The following CCDC82 variants were observed in gnomAD, a reference collection of about 807,000 sequenced individuals.
CCDC82 encodes coiled-coil domain-containing protein 82.
Under a neutral mutation model 60.6 loss-of-function variants are expected in CCDC82, and 47 were observed. The ratio of observed to expected loss-of-function variants is 0.77; its 90% CI spans 0.61 to 0.99. The LOEUF (loss-of-function observed/expected upper bound fraction) is 0.99. Among genes scored for constraint, CCDC82 ranks in the 50% least tolerant of loss-of-function variants. The pLI is 0.00. For missense variants in CCDC82, 588 were observed against 633.0 expected, an observed-to-expected ratio of 0.93 and a Z score of 0.76; for synonymous variants, 212 against 207.4, an observed-to-expected ratio of 1.02 and a Z score of -0.19.
Position 96,384,500 on chromosome 11 carries a change from CTT to C in CCDC82, c.246_247del (p.Glu84AlafsTer5). 1.9e-6 allele frequency: 3 copies of C among 1,613,784 alleles called. No homozygotes were observed. Among genetic ancestry groups the C allele is most frequent in the Non-Finnish European group, 1.7e-6 (2 of 1,179,796 alleles). ...TTGAATTTTACTTAAGTTGAGCTCT[CTT>C]TCACTTCCTGGTGTTTTATTACAAT... On this transcript the variant is annotated frameshift_variant, in exon 4 of 10. Coordinates refer to ENST00000646818, the MANE Select transcript of CCDC82 (RefSeq NM_024725.4). LOFTEE classifies it high-confidence loss of function.
At chr11:96,377,497 C>T (rs1865651069) in intron 5 of CCDC82, among the ~76,000 whole-genome samples, 2 of 151,968 alleles carry the variant, frequency 1.3e-5, no homozygotes, top group Non-Finnish European at 2.9e-5. Flanking sequence ...TTGTCATGTT[C>T]CTCATTTTAA....
chr11:96,356,344 A>T (rs1302151935), intron 9 of CCDC82: 1 of 618,840 alleles, frequency 1.6e-6, no homozygotes, highest in Non-Finnish European at 2.0e-6. Flanking sequence ...ATTTTAAATT[A>T]TTATGTATAT....
In CCDC82 at chr11:96,384,149, A is replaced by G; in HGVS notation, c.599T>C (p.Ile200Thr). Residue 200 changes from isoleucine (I) to threonine (T), a missense_variant, in exon 4 of 10, where the codon ATC becomes ACC. Coordinates refer to ENST00000646818, the MANE Select transcript of CCDC82 (RefSeq NM_024725.4). ...TTTAACACCTACTTTTCTAACTAGGATATCGCTGTCATCACTCTCATCACT... is the reference window on the plus strand; with the variant it reads ...TTTAACACCTACTTTTCTAACTAGGGTATCGCTGTCATCACTCTCATCACT... ...CDSDESDDSD[I>T]LVRKVGVKRP... The G allele has an allele frequency of 6.2e-7, 1 of 1,613,820 alleles. No individual in the cohort carries two copies.
Position 96,373,459 on chromosome 11 carries a change from TA to T in CCDC82, c.999del (p.Phe333LeufsTer12). On this transcript the variant is annotated frameshift_variant, in exon 6 of 10. Coordinates refer to ENST00000646818, the MANE Select transcript of CCDC82 (RefSeq NM_024725.4). LOFTEE classifies it high-confidence loss of function. Reference protein sequence around the residue: ...KLVKQNSLYSFSDHYTHFERV... With the variant: ...KLVKQNSLYSXSDHYTHFERV... ...CTTTCAAAATGAGTATAGTGGTCACTAAAAGAATCTGAAATTAATTTCAAAT... is the reference window on the plus strand; with the variant it reads ...CTTTCAAAATGAGTATAGTGGTCACTAAAGAATCTGAAATTAATTTCAAAT... 6.3e-7 allele frequency: 1 copy of T among 1,583,396 alleles called. No homozygotes were observed. Among genetic ancestry groups the T allele is most frequent in the Non-Finnish European group, 8.6e-7 (1 of 1,158,336 alleles).
At position 96,384,460 on chromosome 11, in the gene CCDC82, G is replaced by A. The variant is rs754316600; in HGVS notation, c.288C>T (p.Asp96=). The A allele has an allele frequency of 6.2e-7, 1 of 1,613,596 alleles. No individual in the cohort carries two copies. Among genetic ancestry groups the A allele is most frequent in the Non-Finnish European group, 8.5e-7 (1 of 1,179,808 alleles). ...TGCCAGAGTTAATGAGACACTTACT[G>A]TCATTTCCTTCACTTTGAATTTTAC... is the stretch of plus-strand genomic sequence containing the variant. ...NLSKIQSEGN[D]SKCLINSGNG... is the part of the protein sequence containing the mutation. The change falls in exon 4 of 10, where the codon GAC becomes GAT. Residue 96 remains aspartate (D), a synonymous_variant. Coordinates refer to ENST00000646818, the MANE Select transcript of CCDC82 (RefSeq NM_024725.4).
intron 9 of CCDC82, chr11:96,358,047 CAT>C (rs1216744989): frequency 3.0e-6 from 3 of 985,380 alleles, no homozygotes; most frequent in Middle Eastern, 5.2e-4. Flanking sequence ...CTAAATATGA[CAT>C]GTGCTAAAAA....
chr11:96,389,530 C>G (rs1328814469), intron 1 of CCDC82: 1 of 152,226 alleles, frequency 6.6e-6, no homozygotes, highest in Non-Finnish European at 1.5e-5. Flanking sequence ...AGCTCTGCAC[C>G]GAGAAAACAA....
At chr11:96,355,073 T>C (rs1457239707) in intron 9 of CCDC82, 2 of 152,194 alleles carry the variant, frequency 1.3e-5, no homozygotes, top group African/African-American at 4.8e-5. Context: ...GGAATTTTCT[T>C]TGGCCTAGTA....
At chr11:96,370,899 T>C (rs1448513735) in intron 7 of CCDC82, 114 bp downstream of exon 7, 3 of 874,698 alleles carry the variant, frequency 3.4e-6, no homozygotes, top group Non-Finnish European at 4.9e-6. Flanking sequence ...AATAAGCTGA[T>C]TATTTAACAA....
chr11:96,370,864 A>G (rs1865224595), intron 7 of CCDC82, 149 bp downstream of exon 7: 7 of 621,636 alleles, frequency 1.1e-5, no homozygotes, highest in Non-Finnish European at 1.7e-5. Flanking sequence ...TAAAACAATA[A>G]TAACTTTTAG....
chr11:96,372,699 AAT>A (rs10594121), intron 6 of CCDC82, among the ~76,000 whole-genome samples: 3,049 of 145,400 alleles, frequency 0.021, 104 homozygotes, highest in African/African-American at 0.072. Flanking sequence ...AATATATAAA[AAT>A]ATATATATAC....
chr11:96,384,534 C>G lies in CCDC82; in HGVS notation c.214G>C (p.Gly72Arg), dbSNP rs2136211408. Residue 72 changes from glycine to arginine, a missense_variant, in exon 4 of 10, where the codon GGA (glycine) becomes CGA (arginine). Coordinates refer to ENST00000646818, the MANE Select transcript of CCDC82 (RefSeq NM_024725.4). ...CCTGGTGTTTTATTACAATCAGGTC[C>G]CTTGTTACTATCAAGCTCTTCATCA... ...ENDEELDSNK[G>R]PDCNKTPGSE... 5 of 1,613,564 alleles carry G rather than the reference C, an allele frequency of 3.1e-6. No homozygotes were observed. In the South Asian group the frequency reaches 4.4e-5, roughly 14 times the overall value.
rs1170907585 is a variant in CCDC82 at position 96,362,447 on chromosome 11, C to T, written c.1380+2533G>A. Among the ~76,000 whole-genome samples the T allele has an allele frequency of 3.3e-5, 5 of 152,262 alleles. No individual in the cohort carries two copies. The East Asian group carries it at 5.8e-4, about 18-fold the overall frequency. On this transcript the variant is annotated intron_variant, in intron 8 of 9. Transcript: ENST00000646818. ...TTTGGTTTTTTGTTTGTTTTTTGTA[C>T]AGACATATTATACAATGCCATTTGC...
chr11:96,358,973 T>C lies in CCDC82; in HGVS notation c.1566+20A>G, dbSNP rs768687487. 33 of 1,571,084 alleles carry C rather than the reference T, an allele frequency of 2.1e-5. No homozygotes were observed. The East Asian group carries it at 2.8e-4, about 13-fold the overall frequency. The stretch of plus-strand genomic sequence containing the variant: ...AGCCTTCAGAATCTACATGATAAGA[T>C]TCTCATATATTCACCTTACCTCCTT... On this transcript the variant is annotated intron_variant, in intron 9 of 9. Transcript: ENST00000646818.
rs564695323 is a variant in CCDC82 at position 96,359,298 on chromosome 11, C to T, written c.1381-120G>A. 503 of 764,530 alleles carry T rather than the reference C, an allele frequency of 6.6e-4. 3 individuals carry two copies. The highest frequency in any genetic ancestry group is 3.5e-3 in the Middle Eastern group (9 of 2,552). 47.4% of individuals were successfully genotyped at this position (764,530 alleles called of 1,614,324 possible). The stretch of plus-strand genomic sequence containing the variant: ...AACTTCCAGTGTTTACACAATGATT[C>T]CTTTACCTTCTCTTACTTATACAAC... On this transcript the variant is annotated intron_variant, in intron 8 of 9. Coordinates refer to ENST00000646818, the MANE Select transcript of CCDC82 (RefSeq NM_024725.4).
intron 8 of CCDC82, 58 bp from the exon 9 acceptor site, chr11:96,359,236 T>G (rs1023650986): frequency 7.2e-7 from 1 of 1,395,244 alleles, no homozygotes; most frequent in Non-Finnish European, 9.5e-7. Context: ...TTCTGGTTTT[T>G]GGATTTTCTT....
chr11:96,366,123 C>T (rs1387902188), intron 7 of CCDC82, among the ~76,000 whole-genome samples: 2 of 152,124 alleles, frequency 1.3e-5, no homozygotes, highest in African/African-American at 4.8e-5. Flanking sequence ...TCTGCTATAC[C>T]CCATGGAAGC....
At chr11:96,372,645 T>C (rs1053393864) in intron 6 of CCDC82, among the ~76,000 whole-genome samples, 4 of 145,472 alleles carry the variant, frequency 2.7e-5, no homozygotes, top group African/African-American at 5.0e-5. Context: ...AATATAAATA[T>C]ATATATAAAT....
At chr11:96,376,430 C>CT (rs1291548577) in intron 5 of CCDC82, among the ~76,000 whole-genome samples, 23,207 of 140,718 alleles carry the variant, frequency 0.16, 2,132 homozygotes, top group East Asian at 0.3. Flanking sequence ...CCGTGCTTTT[C>CT]TTTTTTTTTT....
Sources: allele counts gnomAD v4.1 joint callset (sites outside exome capture counted in the v4.1 genomes callset), GRCh38; gene constraint gnomAD v4.1.1; transcripts MANE v1.5; gene names NCBI Gene and HGNC (gene_info 2026-07-23, HGNC 2026-07-21).